The following NDUFAF2 variants were observed in gnomAD, a reference collection of about 807,000 sequenced individuals.
NDUFAF2 encodes NADH dehydrogenase [ubiquinone] 1 alpha subcomplex assembly factor 2.
In NDUFAF2, 13 loss-of-function variants were observed where a neutral mutation model predicts 22.8. The ratio of observed to expected loss-of-function variants is 0.57; its 90% CI spans 0.37 to 0.91. The LOEUF (loss-of-function observed/expected upper bound fraction) is 0.91. Ranked by LOEUF, NDUFAF2 falls within the 40% of genes least tolerant of loss-of-function variation. NDUFAF2 has a pLI of 0.01. For synonymous variants in NDUFAF2, 53 were observed against 64.2 expected (o/e 0.83, Z 0.84); for missense variants, 162 against 195.2 (o/e 0.83, Z 1.01).
intron 1 of NDUFAF2, among the ~76,000 whole-genome samples, chr5:61,049,198 A>G (rs1424754046): frequency 6.6e-6 from 1 of 152,120 alleles, no homozygotes; most frequent in Non-Finnish European, 1.5e-5. Flanking sequence ...TAAAACTGTT[A>G]TAAATAAGTC....
In NDUFAF2 at chr5:60,983,594, G is replaced by A. The variant is rs1333984297; in HGVS notation, c.127+38212G>A. Among the ~76,000 whole-genome samples the A allele has an allele frequency of 2.0e-5, 3 of 150,690 alleles. No individual in the cohort carries two copies. The East Asian group carries it at 5.9e-4, about 30-fold the overall frequency. On this transcript the variant is annotated intron_variant, in intron 1 of 3. Coordinates refer to ENST00000296597, the MANE Select transcript of NDUFAF2 (RefSeq NM_174889.5). ...ATTTTTGTATAAGGTGTAAGGAAGG[G>A]ATCCAGTTTCAGCTTTCTACGTATG...
intron 1 of NDUFAF2, among the ~76,000 whole-genome samples, chr5:61,003,777 C>T (rs540538709): frequency 1.3e-4 from 19 of 151,606 alleles, no homozygotes; most frequent in Non-Finnish European, 2.5e-4. Flanking sequence ...CCCATTTCAG[C>T]CTCCTGAGTA....
At chr5:61,007,632 C>A (rs1312639932) in intron 1 of NDUFAF2, among the ~76,000 whole-genome samples, 6 of 152,140 alleles carry the variant, frequency 3.9e-5, no homozygotes, top group Non-Finnish European at 8.8e-5. Flanking sequence ...GAATGGCAGT[C>A]ATTAAAAAGT....
chr5:60,948,680 A>C (rs1363166762), intron 1 of NDUFAF2, among the ~76,000 whole-genome samples: 1 of 152,024 alleles, frequency 6.6e-6, no homozygotes, highest in African/African-American at 2.4e-5. Flanking sequence ...TGTATATACC[A>C]TAATTTGTTT....
chr5:61,103,147 G>T (rs530410875), intron 3 of NDUFAF2, among the ~76,000 whole-genome samples: 64 of 152,158 alleles, frequency 4.2e-4, no homozygotes, highest in African/African-American at 1.5e-3. Context: ...GGGAGCTCTG[G>T]CCAACAGTAG....
At chr5:61,081,305 A>G (rs1044227354) in intron 2 of NDUFAF2, among the ~76,000 whole-genome samples, 1 of 152,282 alleles carries the variant, frequency 6.6e-6, no homozygotes, top group Non-Finnish European at 1.5e-5. Flanking sequence ...CAGGGCCCAT[A>G]TAATGTTTTT....
At chr5:61,034,601 A>G (rs1751772773) in intron 1 of NDUFAF2, among the ~76,000 whole-genome samples, 1 of 152,204 alleles carries the variant, frequency 6.6e-6, no homozygotes, top group Admixed American at 6.5e-5. Context: ...AGCCATAAAG[A>G]AATGTGATGG....
intron 1 of NDUFAF2, among the ~76,000 whole-genome samples, chr5:61,034,023 A>G (rs928510171): frequency 6.6e-6 from 1 of 152,168 alleles, no homozygotes; most frequent in Non-Finnish European, 1.5e-5. Context: ...TCTTGAGAGA[A>G]ATCAGTATGT....
intron 3 of NDUFAF2, among the ~76,000 whole-genome samples, chr5:61,127,292 C>G (rs1333291474): frequency 6.6e-6 from 1 of 152,026 alleles, no homozygotes; most frequent in Non-Finnish European, 1.5e-5. Context: ...TTTATGAGGC[C>G]AGCATCATCC....
At chr5:61,136,132 T>G (rs1398267287) in intron 3 of NDUFAF2, among the ~76,000 whole-genome samples, 3 of 149,830 alleles carry the variant, frequency 2.0e-5, no homozygotes, top group Non-Finnish European at 4.4e-5. Context: ...TATTTGTTGT[T>G]CTATTTATTT....
At chr5:61,093,324 G>A (rs770729270) in intron 2 of NDUFAF2, among the ~76,000 whole-genome samples, 15 of 152,080 alleles carry the variant, frequency 9.9e-5, no homozygotes, top group Non-Finnish European at 1.8e-4. Context: ...ATCCAATCAC[G>A]CTGACACTGA....
chr5:61,136,918 A>G (rs1464071845), intron 3 of NDUFAF2, among the ~76,000 whole-genome samples: 1 of 152,220 alleles, frequency 6.6e-6, no homozygotes, highest in African/African-American at 2.4e-5. Flanking sequence ...TATAAGGTGA[A>G]TATGGTCCTC....
chr5:61,007,781 AC>A, intron 1 of NDUFAF2, among the ~76,000 whole-genome samples: 1 of 152,170 alleles, frequency 6.6e-6, no homozygotes, highest in Non-Finnish European at 1.5e-5. Flanking sequence ...ATACCATTTG[AC>A]CCAGTCATCC....
intron 3 of NDUFAF2, among the ~76,000 whole-genome samples, chr5:61,139,203 G>A (rs1741014221): frequency 6.6e-6 from 1 of 152,132 alleles, no homozygotes; most frequent in Non-Finnish European, 1.5e-5. Flanking sequence ...GCCTGCAGTT[G>A]GGCAAAATCA....
At chr5:60,978,909 C>T (rs532479508) in intron 1 of NDUFAF2, among the ~76,000 whole-genome samples, 133 of 152,158 alleles carry the variant, frequency 8.7e-4, no homozygotes, top group Non-Finnish European at 1.8e-3. Flanking sequence ...CTCTTTCTCC[C>T]TGCTTGAAGA....
intron 1 of NDUFAF2, among the ~76,000 whole-genome samples, chr5:60,987,301 C>G (rs1223282624): frequency 2.0e-5 from 3 of 152,034 alleles, no homozygotes; most frequent in Non-Finnish European, 4.4e-5. Flanking sequence ...TACCAATCCC[C>G]CATAAAAGCC....
At position 61,004,187 on chromosome 5, in the gene NDUFAF2, T is replaced by C. The variant is rs150315701; in HGVS notation, c.127+58805T>C. ...TGTGTTCACTAAGTTTTCTGTCTTA[T>C]TTGTTTTTATTTTTTCTCTTTTCCC... On this transcript the variant is annotated intron_variant, in intron 1 of 3. Coordinates refer to ENST00000296597, the MANE Select transcript of NDUFAF2 (RefSeq NM_174889.5). 9.7e-3 allele frequency among the ~76,000 whole-genome samples: 1,481 copies of C among 152,182 alleles called. 24 individuals carry two copies. Among genetic ancestry groups the C allele is most frequent in the African/African-American group, 0.032 (1,341 of 41,526 alleles).
chr5:61,031,987 C>CT (rs1751733567), intron 1 of NDUFAF2, among the ~76,000 whole-genome samples: 1 of 152,102 alleles, frequency 6.6e-6, no homozygotes, highest in Non-Finnish European at 1.5e-5. Flanking sequence ...TGATGATGAA[C>CT]TTTTTTTATA....
intron 3 of NDUFAF2, among the ~76,000 whole-genome samples, chr5:61,151,954 T>A (rs769183333): frequency 7.9e-5 from 12 of 152,232 alleles, no homozygotes; most frequent in Non-Finnish European, 1.8e-4. Flanking sequence ...TTGCCTTTCT[T>A]AATGCTATAG....
Sources: gnomAD v4.1 joint callset for allele counts (sites outside exome capture counted in the v4.1 genomes callset) on GRCh38, gnomAD v4.1.1 for gene constraint, MANE v1.5 for transcripts, NCBI Gene and HGNC (gene_info 2026-07-23, HGNC 2026-07-21) for gene names.